Variants in ZDHHC17 observed in about 807,000 individuals in gnomAD.
ZDHHC17 encodes the protein zDHHC palmitoyltransferase 17.
A neutral mutation model predicts 90.3 loss-of-function variants in ZDHHC17; 40 were observed. The ratio of observed to expected loss-of-function variants is 0.44; its 90% confidence interval spans 0.34 to 0.58. ZDHHC17 has a LOEUF of 0.58. Ranked by LOEUF, ZDHHC17 falls within the 20% of genes least tolerant of loss-of-function variation. The pLI is 0.01. For synonymous variants in ZDHHC17, 235 were observed against 252.4 expected (o/e 0.93, Z 0.65); for missense variants, 614 against 780.8 (o/e 0.79, Z 2.55).
chr12:76,807,659 G>GA (rs200710819), intron 3 of ZDHHC17, among the ~76,000 whole-genome samples: 1 of 151,802 alleles, frequency 6.6e-6, no homozygotes, highest in African/African-American at 2.4e-5. Context: ...TCCTTGTGAA[G>GA]AAAAAAAAGT....
intron 1 of ZDHHC17, among the ~76,000 whole-genome samples, 200 bp from the exon 2 acceptor site, chr12:76,797,234 G>T (rs1952830727): frequency 1.3e-5 from 2 of 152,052 alleles, no homozygotes. Flanking sequence ...CTGCACTCCA[G>T]CCTGGGTGAC....
chr12:76,847,912 ATC>A (rs1174122564), intron 14 of ZDHHC17, among the ~76,000 whole-genome samples: 2 of 152,164 alleles, frequency 1.3e-5, no homozygotes, highest in African/African-American at 4.8e-5. Context: ...TTTCAAAAAA[ATC>A]TCTTTCATAT....
intron 10 of ZDHHC17, among the ~76,000 whole-genome samples, chr12:76,839,182 T>C (rs1953402896): frequency 6.6e-6 from 1 of 152,248 alleles, no homozygotes; most frequent in Non-Finnish European, 1.5e-5. Context: ...GCAGTCAGAT[T>C]GTAGGTGTTA....
chr12:76,807,153 A>G (rs150082261), intron 3 of ZDHHC17, among the ~76,000 whole-genome samples: 1 of 152,342 alleles, frequency 6.6e-6, no homozygotes, highest in Non-Finnish European at 1.5e-5. Flanking sequence ...ATTCTATTAA[A>G]AACTTGAGTA....
chr12:76,849,191 C>G (rs1165761414), intron 15 of ZDHHC17, among the ~76,000 whole-genome samples, 185 bp from the exon 16 acceptor site: 2 of 125,486 alleles, frequency 1.6e-5, no homozygotes, highest in Non-Finnish European at 3.3e-5. Flanking sequence ...CGCCTGTAAT[C>G]CCAGCTGCTG....
intron 2 of ZDHHC17, among the ~76,000 whole-genome samples, chr12:76,802,096 C>T (rs1037639818): frequency 1.3e-5 from 2 of 152,138 alleles, no homozygotes; most frequent in African/African-American, 4.8e-5. Context: ...CCCTTAATTT[C>T]ACCTGGCAGG....
At chr12:76,832,235 A>G (rs1953311940) in intron 10 of ZDHHC17, among the ~76,000 whole-genome samples, 1 of 152,192 alleles carries the variant, frequency 6.6e-6, no homozygotes, top group Non-Finnish European at 1.5e-5. Context: ...GGCTTATAAT[A>G]TATGGTGCTG....
intron 5 of ZDHHC17, among the ~76,000 whole-genome samples, chr12:76,814,035 C>T (rs992175337): frequency 6.6e-6 from 1 of 151,874 alleles, no homozygotes; most frequent in Non-Finnish European, 1.5e-5. Flanking sequence ...ACTGAGAATA[C>T]GAAGATGGAT....
chr12:76,801,180 C>T (rs1952883557), intron 2 of ZDHHC17, among the ~76,000 whole-genome samples: 1 of 151,430 alleles, frequency 6.6e-6, no homozygotes. Context: ...GCCACCGCAC[C>T]TGGCCAGCAT....
rs577832287 is a variant in ZDHHC17 at position 76,791,496 on chromosome 12, T to C, written c.94-5938T>C. On this transcript the variant is annotated intron_variant, in intron 1 of 16. Transcript: ENST00000426126. ...AGCTTTATACGTATGCTTTTTGTTT[T>C]ATTTTGTTTTAAGAAGGTTCGTTAG... Among the ~76,000 whole-genome samples the C allele has an allele frequency of 2.0e-5, 3 of 152,286 alleles. No homozygotes were observed. In the East Asian group the frequency reaches 5.8e-4, roughly 29 times the overall value.
At chr12:76,783,370 C>T (rs1592463101) in intron 1 of ZDHHC17, among the ~76,000 whole-genome samples, 2 of 152,148 alleles carry the variant, frequency 1.3e-5, no homozygotes. Flanking sequence ...GAAGCAGACA[C>T]GTCTTACATG....
intron 1 of ZDHHC17, among the ~76,000 whole-genome samples, chr12:76,774,260 A>ATGTGTGTGTATG (rs1952530981): frequency 1.3e-5 from 1 of 78,830 alleles, no homozygotes; most frequent in Non-Finnish European, 2.7e-5. Context: ...AAAATAAAGA[A>ATGTGTGTGTATG]TGTGTGTGTA....
Position 76,783,154 on chromosome 12 carries a change from G to T in ZDHHC17, c.94-14280G>T, listed in dbSNP as rs546436031. Among the ~76,000 whole-genome samples the T allele has an allele frequency of 5.9e-5, 9 of 152,306 alleles. No individual in the cohort carries two copies. The South Asian group carries it at 1.9e-3, about 32-fold the overall frequency. The stretch of plus-strand genomic sequence containing the variant: ...CTCTCAAAATGTCCTGCAAGAGAGA[G>T]CCCAAGGTTAGGTTTCTCCCATGAT... On this transcript the variant is annotated intron_variant, in intron 1 of 16. Transcript: ENST00000426126.
intron 2 of ZDHHC17, among the ~76,000 whole-genome samples, chr12:76,804,941 A>C (rs550536739): frequency 2.0e-5 from 3 of 152,230 alleles, no homozygotes; most frequent in Admixed American, 2.0e-4. Flanking sequence ...TACTCTTCTA[A>C]ATCATTTATA....
At chr12:76,791,965 C>G (rs1042786661) in intron 1 of ZDHHC17, among the ~76,000 whole-genome samples, 18 of 152,118 alleles carry the variant, frequency 1.2e-4, no homozygotes, top group Non-Finnish European at 2.6e-4. Flanking sequence ...TTTCCATGCT[C>G]TCTCCAGGCA....
chr12:76,792,283 T>G (rs1952767370), intron 1 of ZDHHC17, among the ~76,000 whole-genome samples: 1 of 152,176 alleles, frequency 6.6e-6, no homozygotes, highest in Non-Finnish European at 1.5e-5. Flanking sequence ...TTTAGGAGCC[T>G]TGTGCCGTGA....
rs116441541 is a variant in ZDHHC17, at chr12:76,846,528, C to G, written c.1424-68C>G. 3,144 of 1,125,778 alleles carry G rather than the reference C, an allele frequency of 2.8e-3. 59 individuals carry two copies. The African/African-American group carries it at 0.041, about 15-fold the overall frequency. 69.7% of individuals were successfully genotyped at this position (1,125,778 alleles called of 1,614,324 possible). Reference sequence around the variant, plus strand: ...CTGTAGCACACCTTTCATGGCATACCCCTCAAAGGTGCATTACCCGTTGTT... The same window carrying G: ...CTGTAGCACACCTTTCATGGCATACGCCTCAAAGGTGCATTACCCGTTGTT... On this transcript the variant is annotated intron_variant, in intron 13 of 16. Coordinates refer to ENST00000426126, the MANE Select transcript of ZDHHC17 (RefSeq NM_015336.4).
At chr12:76,813,975 G>A (rs1953054626) in intron 5 of ZDHHC17, among the ~76,000 whole-genome samples, 1 of 152,034 alleles carries the variant, frequency 6.6e-6, no homozygotes. Flanking sequence ...AGATAGATAA[G>A]CATGTCTTTT....
intron 10 of ZDHHC17, 123 bp from the exon 11 acceptor site, chr12:76,841,857 CAT>C (rs1953439414): frequency 4.7e-6 from 3 of 636,622 alleles, no homozygotes; most frequent in Non-Finnish European, 4.5e-6. Flanking sequence ...TAGTTATAAA[CAT>C]AATGCAGAAC....
Sources: allele counts gnomAD v4.1 joint callset (sites outside exome capture counted in the v4.1 genomes callset), GRCh38; gene constraint gnomAD v4.1.1; transcripts MANE v1.5; gene names NCBI Gene and HGNC (gene_info 2026-07-23, HGNC 2026-07-21).